NPSR1: variants seen among roughly 807,000 people sequenced by gnomAD.
NPSR1 encodes neuropeptide S receptor 1.
A neutral mutation model predicts 46.9 loss-of-function variants in NPSR1; 48 were observed. The observed-to-expected ratio is 1.02, with a 90% CI of 0.81 to 1.30. The LOEUF (loss-of-function observed/expected upper bound fraction) is 1.30, where lower values mean the gene tolerates loss of function less well. NPSR1 is among the 50% of genes most tolerant of loss of function. The pLI, the probability that NPSR1 is intolerant of heterozygous loss-of-function variation, is 0.00. For synonymous variants in NPSR1, 176 were observed against 168.1 expected (o/e 1.05, Z -0.36); for missense variants, 450 against 449.5 (o/e 1.00, Z -0.01).
At chr7:34,724,010 C>T (rs975835593) in intron 2 of NPSR1, among the ~76,000 whole-genome samples, 30 of 152,276 alleles carry the variant, frequency 2.0e-4, no homozygotes, top group Non-Finnish European at 3.8e-4. Context: ...CATCTATCTT[C>T]CACACTGAGT....
At chr7:34,708,987 C>T (rs780017153) in intron 2 of NPSR1, among the ~76,000 whole-genome samples, 3 of 152,100 alleles carry the variant, frequency 2.0e-5, no homozygotes, top group Non-Finnish European at 4.4e-5. Flanking sequence ...GGTAAGTGGC[C>T]TCCCCAGGGT....
rs576057531 is a variant in NPSR1, at chr7:34,797,899, C to T, written c.385-13871C>T. On this transcript the variant is annotated intron_variant, in intron 3 of 8. Coordinates refer to ENST00000360581, the MANE Select transcript of NPSR1 (RefSeq NM_207172.2). ...TTTAAAGTGGGAAAAGAATACAAATCCCCCTGACCTAGAATTCTCTATCAA... is the reference window on the plus strand; with the variant it reads ...TTTAAAGTGGGAAAAGAATACAAATTCCCCTGACCTAGAATTCTCTATCAA... Among the ~76,000 whole-genome samples, 43 of 152,178 alleles carry T rather than the reference C, an allele frequency of 2.8e-4. 1 individual carries two copies. The South Asian group carries it at 7.7e-3, about 27-fold the overall frequency.
At chr7:34,732,618 C>T (rs764300461) in intron 2 of NPSR1, among the ~76,000 whole-genome samples, 9 of 152,140 alleles carry the variant, frequency 5.9e-5, no homozygotes, top group Non-Finnish European at 8.8e-5. Flanking sequence ...AGAATTTCCA[C>T]GGTTGCTTTT....
rs543745911 is a variant in NPSR1, at chr7:34,734,537, C to A, written c.281-43925C>A. 2.4e-4 allele frequency among the ~76,000 whole-genome samples: 36 copies of A among 152,248 alleles called. 1 individual carries two copies. In the South Asian group the frequency reaches 7.1e-3, roughly 30 times the overall value. Reference sequence around the variant, plus strand: ...ATAAGTTCCTCAAATCTAACCTGCCCTCTCCAGGCCCACAGACTGGGAGTG... The same window carrying A: ...ATAAGTTCCTCAAATCTAACCTGCCATCTCCAGGCCCACAGACTGGGAGTG... On this transcript the variant is annotated intron_variant, in intron 2 of 8. Transcript: ENST00000360581.
At chr7:34,843,552 C>A (rs1790644093) in intron 6 of NPSR1, among the ~76,000 whole-genome samples, 1 of 152,212 alleles carries the variant, frequency 6.6e-6, no homozygotes, top group Non-Finnish European at 1.5e-5. Context: ...CTCATCTCAA[C>A]CAGTTTTATG....
chr7:34,831,955 C>A (rs542550541), intron 5 of NPSR1, among the ~76,000 whole-genome samples: 1 of 152,240 alleles, frequency 6.6e-6, no homozygotes, highest in Non-Finnish European at 1.5e-5. Flanking sequence ...TGTGGGAAAG[C>A]CCCATGCCAG....
chr7:34,775,763 G>A (rs1157614843), intron 2 of NPSR1, among the ~76,000 whole-genome samples: 1 of 151,620 alleles, frequency 6.6e-6, no homozygotes. Context: ...TTTATTTTCT[G>A]CTACTAATTT....
intron 1 of NPSR1, among the ~76,000 whole-genome samples, chr7:34,681,818 T>TGAGA (rs34981870): frequency 1.0e-4 from 15 of 149,854 alleles, no homozygotes; most frequent in South Asian, 2.1e-4. Flanking sequence ...CTTTCAAAGC[T>TGAGA]GAGAGAGAGA....
chr7:34,872,389 A>G (rs1791478667), intron 8 of NPSR1, among the ~76,000 whole-genome samples: 1 of 151,970 alleles, frequency 6.6e-6, no homozygotes, highest in Non-Finnish European at 1.5e-5. Context: ...AGTGCCTTCA[A>G]GGCCTTTTTC....
Position 34,751,535 on chromosome 7 carries a change from C to A in NPSR1, c.281-26927C>A, listed in dbSNP as rs1386120021. 8 of 1,570,646 alleles carry A rather than the reference C, an allele frequency of 5.1e-6. No individual in the cohort carries two copies. In the Admixed American group the frequency reaches 1.3e-4, roughly 26 times the overall value. ...CCCAGCTCCTCCTCCATAGTGGTCT[C>A]GAAACTTGTATTCTTCTCCTTGGGA... On this transcript the variant is annotated intron_variant, in intron 2 of 8. Coordinates refer to ENST00000360581, the MANE Select transcript of NPSR1 (RefSeq NM_207172.2).
chr7:34,807,105 G>A (rs920659073), intron 3 of NPSR1, among the ~76,000 whole-genome samples: 5 of 152,036 alleles, frequency 3.3e-5, no homozygotes, highest in African/African-American at 1.2e-4. Context: ...ATTGTACTTT[G>A]ATTTCCTTCT....
chr7:34,736,762 A>T (rs1028147463), intron 2 of NPSR1, among the ~76,000 whole-genome samples: 4 of 151,914 alleles, frequency 2.6e-5, no homozygotes, highest in African/African-American at 9.7e-5. Flanking sequence ...TACCACAATC[A>T]GCTCATTTTT....
intron 3 of NPSR1, among the ~76,000 whole-genome samples, chr7:34,796,544 A>G (rs1430049556): frequency 2.0e-5 from 3 of 152,198 alleles, no homozygotes; most frequent in African/African-American, 7.2e-5. Flanking sequence ...AAAAAATTAC[A>G]CAGAAGGCAA....
chr7:34,834,471 A>C lies in NPSR1; in HGVS notation c.757+11A>C. ...TTTCCAACTGCTCAGGTAAGTCTCT[A>C]CTCTGCATGGCCCAATTCTTGGCTA... On this transcript the variant is annotated intron_variant, in intron 6 of 8. Transcript: ENST00000360581. The C allele has an allele frequency of 6.3e-7, 1 of 1,588,660 alleles. No individual in the cohort carries two copies. Among genetic ancestry groups the C allele is most frequent in the Non-Finnish European group, 8.6e-7 (1 of 1,157,142 alleles).
intron 1 of NPSR1, among the ~76,000 whole-genome samples, chr7:34,667,900 T>C (rs74841003): frequency 6.6e-6 from 1 of 152,046 alleles, no homozygotes; most frequent in Non-Finnish European, 1.5e-5. Flanking sequence ...ATAAACTGAT[T>C]CCAAGTATTA....
intron 4 of NPSR1, among the ~76,000 whole-genome samples, chr7:34,826,946 G>A (rs1329344226): frequency 6.6e-6 from 1 of 151,364 alleles, no homozygotes; most frequent in African/African-American, 2.4e-5. Flanking sequence ...CTCAAAAACT[G>A]TCCCAGTGCT....
chr7:34,725,237 G>A (rs753220642), intron 2 of NPSR1, among the ~76,000 whole-genome samples: 1 of 151,942 alleles, frequency 6.6e-6, no homozygotes, highest in African/African-American at 2.4e-5. Context: ...TTCCAAGAAG[G>A]GAAAATACTT....
intron 2 of NPSR1, among the ~76,000 whole-genome samples, chr7:34,736,383 T>C (rs773450340): frequency 9.2e-5 from 14 of 152,178 alleles, no homozygotes; most frequent in Non-Finnish European, 1.5e-4. Flanking sequence ...CTTACCCAGA[T>C]TGAATTCCAC....
chr7:34,688,647 C>T (rs765952609), intron 2 of NPSR1, among the ~76,000 whole-genome samples: 10 of 152,264 alleles, frequency 6.6e-5, no homozygotes, highest in Middle Eastern at 3.4e-3. Context: ...CATGCAAAGA[C>T]CTTGTGGCTG....
Sources: gnomAD v4.1 joint callset for allele counts (sites outside exome capture counted in the v4.1 genomes callset) on GRCh38, gnomAD v4.1.1 for gene constraint, MANE v1.5 for transcripts, NCBI Gene and HGNC (gene_info 2026-07-23, HGNC 2026-07-21) for gene names.